GAS2L2: variants seen among roughly 807,000 people sequenced by gnomAD.
GAS2L2 encodes growth arrest specific 2 like 2.
Under a neutral mutation model 35.2 loss-of-function variants are expected in GAS2L2, and 21 were observed. The observed-to-expected ratio is 0.60, with a 90% CI of 0.42 to 0.86. GAS2L2 has a LOEUF of 0.86. Among genes scored for constraint, GAS2L2 ranks in the 40% least tolerant of loss-of-function variants. The pLI, the probability that GAS2L2 is intolerant of heterozygous loss-of-function variation, is 0.00. For missense variants in GAS2L2, 1,169 were observed against 1,144.4 expected, an observed-to-expected ratio of 1.02 and a Z score of -0.31; for synonymous variants, 490 against 473.2, an observed-to-expected ratio of 1.04 and a Z score of -0.46.
Position 35,752,803 on chromosome 17 carries a change from C to T in GAS2L2, c.48G>A (p.Pro16=), listed in dbSNP as rs147495893. The T allele has an allele frequency of 9.4e-4, 1,514 of 1,612,762 alleles. No individual in the cohort carries two copies. The highest frequency in any genetic ancestry group is 1.8e-3 in the South Asian group (162 of 91,072). The stretch of plus-strand genomic sequence containing the variant: ...TGAAAGGCCGGATACTGCACACAGG[C>T]GGCCCTAGGGTCCTGGGCTTCCTCC... ...GGRRKPRTLG[P]PVCSIRPFKS... is the part of the protein sequence containing the mutation. Residue 16 remains proline (P), a synonymous_variant, in exon 1 of 6, where the codon CCG becomes CCA. Coordinates refer to ENST00000604641, the MANE Select transcript of GAS2L2 (RefSeq NM_139285.4).
In GAS2L2 at chr17:35,745,088, G is replaced by A; in HGVS notation, c.2409C>T (p.Phe803=). Residue 803 remains phenylalanine (F), a synonymous_variant, in exon 6 of 6, where the codon TTC becomes TTT. Coordinates refer to ENST00000604641, the MANE Select transcript of GAS2L2 (RefSeq NM_139285.4). The part of the protein sequence containing the change: ...SRIPRPLAYV[F]LGPARQPPKD... The stretch of plus-strand genomic sequence containing the variant: ...TGGGGGGCTGCCTGGCTGGACCCAG[G>A]AAGACATAGGCCAGTGGCCTGGGGA... 6.2e-7 allele frequency: 1 copy of A among 1,613,782 alleles called. No homozygotes were observed. The highest frequency in any genetic ancestry group is 1.7e-5 in the Admixed American group (1 of 60,026).
At chr17:35,751,109 C>G (rs1377815519) in intron 1 of GAS2L2, among the ~76,000 whole-genome samples, 1 of 152,148 alleles carries the variant, frequency 6.6e-6, no homozygotes, top group African/African-American at 2.4e-5. Context: ...GCACAACATC[C>G]AGTCTCATCC....
In GAS2L2 at chr17:35,747,907, G is replaced by C. The variant is rs782178910; in HGVS notation, c.774C>G (p.Gly258=). Residue 258 remains glycine, a synonymous_variant, in exon 4 of 6, where the codon GGC becomes GGG. Transcript: ENST00000604641. ...CCAGGTAATGGCCCAGTGTGTCCCA[G>C]CCGCCCCCTACACGTACCATCACAT... ...RNHVMVRVGG[G]WDTLGHYLDK... 1.2e-6 allele frequency: 2 copies of C among 1,613,910 alleles called. No individual in the cohort carries two copies. Among genetic ancestry groups the C allele is most frequent in the South Asian group, 2.2e-5 (2 of 91,054 alleles).
intron 1 of GAS2L2, among the ~76,000 whole-genome samples, chr17:35,751,263 C>T (rs1555599740): frequency 6.6e-6 from 1 of 152,198 alleles, no homozygotes. Context: ...GCCCTGTGCC[C>T]TCACCACCAG....
rs2085657108 is a variant in GAS2L2, at chr17:35,745,232, C to T, written c.2265G>A (p.Leu755=). The T allele has an allele frequency of 1.9e-6, 3 of 1,605,910 alleles. No homozygotes were observed. The highest frequency in any genetic ancestry group is 2.6e-6 in the Non-Finnish European group (3 of 1,175,030). ...TCCGGAGAGTTCTCCTGCCCTTGCT[C>T]AGACATGCCTTGGCTTTGTCAGAGT... ...DPNSDKAKAC[L]SKGRRTLRKP... The change falls in exon 6 of 6, where the codon CTG becomes CTA. Residue 755 remains leucine (L), a synonymous_variant. Transcript: ENST00000604641.
intron 1 of GAS2L2, among the ~76,000 whole-genome samples, chr17:35,752,044 T>C (rs2143023146): frequency 6.6e-6 from 1 of 152,134 alleles, no homozygotes. Flanking sequence ...TAGGCCGGGC[T>C]GGTCTTGAAC....
At chr17:35,750,716 G>C (rs587608424) in intron 1 of GAS2L2, among the ~76,000 whole-genome samples, 1 of 152,152 alleles carries the variant, frequency 6.6e-6, no homozygotes, top group Admixed American at 6.5e-5. Flanking sequence ...TTCCACCCAC[G>C]CCTCTCTCCT....
chr17:35,747,025 G>A lies in GAS2L2; in HGVS notation c.1076C>T (p.Pro359Leu). ...TGTCTCTTCCCCATACCTCAGGAAT[G>A]GTGCCATCTCTCTGGAGGCCCCCGT... Reference protein sequence around the residue: ...AGTGASREMAPFLRCQERSLI... With the variant: ...AGTGASREMALFLRCQERSLI... Residue 359 changes from proline (P) to leucine (L), a missense_variant, in exon 5 of 6, where the codon CCA becomes CTA. Pro to Leu is a moderately conservative substitution (Grantham distance 98, BLOSUM62 -3). Around this residue, in one of 3 missense-constraint regions of GAS2L2, gnomAD observed 1,035 missense variants for 976.5 expected, o/e 1.06. Coordinates refer to ENST00000604641, the MANE Select transcript of GAS2L2 (RefSeq NM_139285.4). 6.4e-7 allele frequency: 1 copy of A among 1,573,920 alleles called. No individual in the cohort carries two copies. Among genetic ancestry groups the A allele is most frequent in the Non-Finnish European group, 8.6e-7 (1 of 1,158,998 alleles).
rs782484178 is a variant in GAS2L2 at position 35,745,894 on chromosome 17, G to C, written c.1603C>G (p.Pro535Ala). Residue 535 changes from proline to alanine, a missense_variant, in exon 6 of 6, where the codon CCC (proline) becomes GCC (alanine). Physicochemically the swap from Pro to Ala is conservative, Grantham distance 27 (BLOSUM62 -1). Transcript: ENST00000604641. The part of the protein sequence containing the change: ...GSPRTELGRD[P>A]IPLRAVTVDL... ...ACAGTGACGGCCCTTAGTGGGATGG[G>C]GTCTCTCCCAAGTTCTGTCCTGGGA... 3.1e-6 allele frequency: 5 copies of C among 1,613,324 alleles called. No individual in the cohort carries two copies. The South Asian group carries it at 5.5e-5, about 18-fold the overall frequency.
chr17:35,745,905 A>G lies in GAS2L2; in HGVS notation c.1592T>C (p.Leu531Pro). Reference protein sequence around the residue: ...GATSGSPRTELGRDPIPLRAV... With the variant: ...GATSGSPRTEPGRDPIPLRAV... ...CCTTAGTGGGATGGGGTCTCTCCCAAGTTCTGTCCTGGGACTTCCACTTGT... is the reference window on the plus strand; with the variant it reads ...CCTTAGTGGGATGGGGTCTCTCCCAGGTTCTGTCCTGGGACTTCCACTTGT... The change falls in exon 6 of 6, where the codon CTT (leucine) becomes CCT (proline). Residue 531 changes from leucine to proline, a missense_variant. Physicochemically the swap from Leu to Pro is moderately conservative, Grantham distance 98 (BLOSUM62 -3). Coordinates refer to ENST00000604641, the MANE Select transcript of GAS2L2 (RefSeq NM_139285.4). 2.5e-6 allele frequency: 4 copies of G among 1,613,144 alleles called. No individual in the cohort carries two copies. The highest frequency in any genetic ancestry group is 3.4e-6 in the Non-Finnish European group (4 of 1,179,950).
rs1555599416 is a variant in GAS2L2 at position 35,749,182 on chromosome 17, C to T, written c.663G>A (p.Val221=). The change falls in exon 3 of 6, where the codon GTG becomes GTA. Residue 221 remains valine (V), a synonymous_variant. Transcript: ENST00000604641. ...QSLVSHCTCP[V]QFSMVKVSEG... Reference sequence around the variant, plus strand: ...CAGACACTTTGACCATGGAGAACTGCACTGGGCACGTGCAGTGGCTCACAA... The same window carrying T: ...CAGACACTTTGACCATGGAGAACTGTACTGGGCACGTGCAGTGGCTCACAA... The T allele has an allele frequency of 7.4e-6, 12 of 1,613,970 alleles. No individual in the cohort carries two copies. The highest frequency in any genetic ancestry group is 2.2e-5 in the South Asian group (2 of 91,070).
At chr17:35,748,019 G>T in intron 3 of GAS2L2, 74 bp from the exon 4 acceptor site, 2 of 1,096,330 alleles carry the variant, frequency 1.8e-6, no homozygotes, top group Middle Eastern at 2.8e-4. Context: ...GCGGGCTTCC[G>T]GCACTCACTC....
In GAS2L2 at chr17:35,752,990, G is replaced by C. The variant is rs2143023808; in HGVS notation, c.-140C>G. The C allele has an allele frequency of 1.1e-6, 1 of 909,168 alleles. No individual in the cohort carries two copies. The highest frequency in any genetic ancestry group is 1.6e-6 in the Non-Finnish European group (1 of 619,426). The allele number at this position is 909,168 out of a possible 1,614,324, so 56.3% of individuals were successfully genotyped here. A position where few individuals can be genotyped will look rare whatever the true frequency, so the allele number is the denominator to read the frequency against. ...ACTCGCTGAGAGCCCGGGACCTCCA[G>C]TGCTGCTACTTGCCACTGGCTTCAG... is the stretch of plus-strand genomic sequence containing the variant. On this transcript the variant is annotated 5_prime_UTR_variant, in exon 1 of 6. Transcript: ENST00000604641.
chr17:35,747,378 C>G (rs1232650377), intron 4 of GAS2L2, 110 bp from the exon 5 acceptor site: 1 of 1,268,514 alleles, frequency 7.9e-7, no homozygotes, highest in South Asian at 1.5e-5. Context: ...ACATTAAAAA[C>G]AGTGGGACCT....
chr17:35,748,171 A>G (rs2085681659), intron 3 of GAS2L2, among the ~76,000 whole-genome samples: 1 of 152,154 alleles, frequency 6.6e-6, no homozygotes, highest in Non-Finnish European at 1.5e-5. Flanking sequence ...CTGTCCCACA[A>G]CTGGTCAAGG....
intron 4 of GAS2L2, 128 bp downstream of exon 4, chr17:35,747,721 C>G: frequency 5.5e-6 from 4 of 730,488 alleles, no homozygotes; most frequent in South Asian, 5.1e-5. Flanking sequence ...CAGCCTCCCC[C>G]ACACCTCCCC....
intron 4 of GAS2L2, among the ~76,000 whole-genome samples, chr17:35,747,545 TTAAAGACCCTCCAAGTCACA>T (rs1356039491): frequency 6.6e-6 from 1 of 152,090 alleles, no homozygotes; most frequent in Non-Finnish European, 1.5e-5. Context: ...TATGGAAGAA[TTAAAGACCCTCCAAGTCACA>T]CTTGGTGCCA....
rs1045664817 is a variant in GAS2L2 at position 35,746,035 on chromosome 17, G to C, written c.1462C>G (p.Pro488Ala). ...AKGAFFQFRE[P>A]ESVRSPTPVQ... The stretch of plus-strand genomic sequence containing the variant: ...GGGGTTGGAGAACGGACAGACTCTG[G>C]CTCCCTGAACTGGAAGAACGCACCC... Residue 488 changes from proline to alanine, a missense_variant, in exon 6 of 6, where the codon CCA becomes GCA. Physicochemically the swap from Pro to Ala is conservative, Grantham distance 27. Coordinates refer to ENST00000604641, the MANE Select transcript of GAS2L2 (RefSeq NM_139285.4). The C allele has an allele frequency of 5.2e-6, 8 of 1,547,808 alleles. No individual in the cohort carries two copies. The highest frequency in any genetic ancestry group is 7.0e-6 in the Non-Finnish European group (8 of 1,145,522).
In GAS2L2 at chr17:35,749,164, T is replaced by C. The variant is rs781923776; in HGVS notation, c.681A>G (p.Lys227=). 14 of 1,614,032 alleles carry C rather than the reference T, an allele frequency of 8.7e-6. No individual in the cohort carries two copies. Among genetic ancestry groups the C allele is most frequent in the Non-Finnish European group, 1.2e-5 (14 of 1,179,958 alleles). ...CCACACGGTACTTCCCCTCAGACAC[T>C]TTGACCATGGAGAACTGCACTGGGC... is the stretch of plus-strand genomic sequence containing the variant. ...CTCPVQFSMV[K]VSEGKYRVGD... Residue 227 remains lysine, a synonymous_variant, in exon 3 of 6, where the codon AAA becomes AAG. Transcript: ENST00000604641.
Sources: gnomAD v4.1 joint callset for allele counts (sites outside exome capture counted in the v4.1 genomes callset) on GRCh38, gnomAD v4.1.1 for gene constraint, gnomAD v4.1.1 regional missense constraint, MANE v1.5 for transcripts, NCBI Gene and HGNC (gene_info 2026-07-23, HGNC 2026-07-21) for gene names.